STX18: variants seen among roughly 807,000 people sequenced by gnomAD.
STX18 encodes the protein syntaxin-18.
A neutral mutation model predicts 50.1 loss-of-function variants in STX18; 40 were observed. The ratio of observed to expected loss-of-function variants is 0.80; its 90% CI spans 0.62 to 1.04. The LOEUF is 1.04. Ranked by LOEUF, STX18 falls within the 50% of genes least tolerant of loss-of-function variation. The pLI is 0.00. For missense variants in STX18, 410 were observed against 415.8 expected (o/e 0.99, Z 0.12); for synonymous variants, 158 against 151.8 (o/e 1.04, Z -0.30).
chr4:4,459,160 C>T (rs995103772), intron 3 of STX18, among the ~76,000 whole-genome samples: 5 of 151,950 alleles, frequency 3.3e-5, no homozygotes, highest in Admixed American at 3.3e-4. Flanking sequence ...TTTCCATCTC[C>T]CTCCTCTCAT....
chr4:4,495,970 T>C (rs901084861), intron 1 of STX18, among the ~76,000 whole-genome samples: 20 of 152,200 alleles, frequency 1.3e-4, no homozygotes, highest in African/African-American at 4.6e-4. Flanking sequence ...TCTATGATTA[T>C]CGGATAACGC....
intron 2 of STX18, among the ~76,000 whole-genome samples, chr4:4,469,256 T>C (rs1172218843): frequency 6.6e-6 from 1 of 152,100 alleles, no homozygotes; most frequent in Non-Finnish European, 1.5e-5. Flanking sequence ...GTCTGAGAAC[T>C]AAGAATGGTT....
rs765080032 is a variant in STX18 at position 4,423,606 on chromosome 4, T to C, written c.762-19A>G. ...GATTTGCCTTCATAAAAAGAACAGA[T>C]TACATATTAACTATTAGCACTTGGT... is the stretch of plus-strand genomic sequence containing the variant. On this transcript the variant is annotated intron_variant, in intron 8 of 10. Transcript: ENST00000306200. 35 of 1,611,566 alleles carry C rather than the reference T, an allele frequency of 2.2e-5. No individual in the cohort carries two copies. The highest frequency in any genetic ancestry group is 2.4e-5 in the Non-Finnish European group (28 of 1,177,836).
rs1284352690 is a variant in STX18, at chr4:4,420,299, A to G, written c.913-170T>C. 1 of 596,784 alleles carries G rather than the reference A, an allele frequency of 1.7e-6. No homozygotes were observed. Among genetic ancestry groups the G allele is most frequent in the African/African-American group, 1.9e-5 (1 of 53,772 alleles). The allele number at this position is 596,784 out of a possible 1,614,324, so 37.0% of individuals were successfully genotyped here. On this transcript the variant is annotated intron_variant, in intron 10 of 10. Transcript: ENST00000306200. The surrounding 1 kb of genome is among the most constrained non-coding windows in gnomAD (Gnocchi z 4.3). ...GGCTTTTGAGATCCACCAGAAGACAAATGGGTTATATTTCCCTCTGTTTGG... is the reference window on the plus strand; with the variant it reads ...GGCTTTTGAGATCCACCAGAAGACAGATGGGTTATATTTCCCTCTGTTTGG...
At chr4:4,483,682 A>T (rs1341498049) in intron 1 of STX18, among the ~76,000 whole-genome samples, 3 of 152,196 alleles carry the variant, frequency 2.0e-5, no homozygotes, top group Non-Finnish European at 4.4e-5. Context: ...AGGATCTAGA[A>T]GACACCTGCT....
At chr4:4,423,971 G>C (rs1350997562) in intron 8 of STX18, 1 of 243,998 alleles carries the variant, frequency 4.1e-6, no homozygotes, top group Non-Finnish European at 7.8e-6. Flanking sequence ...CATCACCATG[G>C]TAACACATGG....
rs768950918 is a variant in STX18 at position 4,504,831 on chromosome 4, A to G, written c.169-33125T>C. ...GTGTTGGTGAGAATGTGAAATAACT[A>G]GAATTCTCATACATTGTTGGTGGGA... is the stretch of plus-strand genomic sequence containing the variant. On this transcript the variant is annotated intron_variant, in intron 1 of 10. Transcript: ENST00000306200. Among the ~76,000 whole-genome samples, 25 of 152,226 alleles carry G rather than the reference A, an allele frequency of 1.6e-4. 1 individual carries two copies. The highest frequency in any genetic ancestry group is 1.5e-5 in the Non-Finnish European group (1 of 68,038).
At chr4:4,435,727 C>T (rs550170331) in intron 6 of STX18, among the ~76,000 whole-genome samples, 1 of 152,158 alleles carries the variant, frequency 6.6e-6, no homozygotes, top group Admixed American at 6.5e-5. Flanking sequence ...AGGACAGATA[C>T]CTGGGCATGC....
rs533075166 is a variant in STX18, at chr4:4,420,130, C to T, written c.913-1G>A. ...GGAAGCCAGCGTTGTTTTTAATGGC[C>T]TGGGCAGGGACGGGAGCACAGGTGT... On this transcript the variant is annotated splice_acceptor_variant, in intron 10 of 10. Coordinates refer to ENST00000306200, the MANE Select transcript of STX18 (RefSeq NM_016930.4). LOFTEE classifies it high-confidence loss of function. This position sits in a 1 kb window ranked among gnomAD's most constrained non-coding sequence, Gnocchi z 4.3. 6.2e-7 allele frequency: 1 copy of T among 1,609,464 alleles called. No homozygotes were observed. The highest frequency in any genetic ancestry group is 1.1e-5 in the South Asian group (1 of 90,074).
chr4:4,421,961 G>T (rs944119724), intron 9 of STX18, among the ~76,000 whole-genome samples: 1 of 152,190 alleles, frequency 6.6e-6, no homozygotes, highest in Non-Finnish European at 1.5e-5. Context: ...TTACAAGCAG[G>T]AGTGCCTGCT....
chr4:4,428,101 A>G (rs1725343182), intron 7 of STX18, among the ~76,000 whole-genome samples: 1 of 152,260 alleles, frequency 6.6e-6, no homozygotes, highest in African/African-American at 2.4e-5. Flanking sequence ...ACCAGGTTTC[A>G]GTATGGCTTC....
chr4:4,512,954 G>T (rs1730069042), intron 1 of STX18, among the ~76,000 whole-genome samples: 1 of 152,156 alleles, frequency 6.6e-6, no homozygotes, highest in Non-Finnish European at 1.5e-5. Flanking sequence ...TGCTCAGTTT[G>T]TGGGCTGACA....
chr4:4,433,350 CAA>C, intron 7 of STX18, among the ~76,000 whole-genome samples: 1 of 152,174 alleles, frequency 6.6e-6, no homozygotes, highest in South Asian at 2.1e-4. Context: ...TTATACTCAT[CAA>C]AGTCACTCAT....
rs1724834815 is a variant in STX18 at position 4,419,867 on chromosome 4, T to G, written c.*167A>C. On this transcript the variant is annotated 3_prime_UTR_variant, in exon 11 of 11. Coordinates refer to ENST00000306200, the MANE Select transcript of STX18 (RefSeq NM_016930.4). Reference sequence around the variant, plus strand: ...GCTAAATGGCTGAACACCATCGGCCTGGGGTATCCCTTTTTGGGGAATACG... The same window carrying G: ...GCTAAATGGCTGAACACCATCGGCCGGGGGTATCCCTTTTTGGGGAATACG... The G allele has an allele frequency of 1.6e-6, 1 of 625,454 alleles. No individual in the cohort carries two copies. Among genetic ancestry groups the G allele is most frequent in the Non-Finnish European group, 2.8e-6 (1 of 359,432 alleles). The allele number at this position is 625,454 out of a possible 1,614,324, so 38.7% of individuals were successfully genotyped here. A position where few individuals can be genotyped will look rare whatever the true frequency, so the allele number is the denominator to read the frequency against.
chr4:4,458,638 T>C (rs1727205743), intron 3 of STX18, among the ~76,000 whole-genome samples: 1 of 152,206 alleles, frequency 6.6e-6, no homozygotes, highest in African/African-American at 2.4e-5. Flanking sequence ...CATCTCATTG[T>C]CTCAGTGAGA....
chr4:4,511,829 G>A (rs1410007644), intron 1 of STX18, among the ~76,000 whole-genome samples: 1 of 150,330 alleles, frequency 6.7e-6, no homozygotes, highest in Non-Finnish European at 1.5e-5. Flanking sequence ...CAGAAGGAGA[G>A]GAGATTTGAA....
intron 6 of STX18, among the ~76,000 whole-genome samples, chr4:4,437,769 T>C (rs1016256003): frequency 9.8e-5 from 15 of 152,346 alleles, no homozygotes; most frequent in African/African-American, 3.6e-4. Flanking sequence ...TGGCAAACTA[T>C]GCAGGCATCC....
At chr4:4,457,036 T>C (rs1577339552) in intron 5 of STX18, among the ~76,000 whole-genome samples, 155 bp downstream of exon 5, 1 of 152,214 alleles carries the variant, frequency 6.6e-6, no homozygotes, top group Admixed American at 6.5e-5. Flanking sequence ...GCATGCTGCC[T>C]GGCACACAGT....
intron 1 of STX18, among the ~76,000 whole-genome samples, chr4:4,513,485 G>A (rs1297693502): frequency 6.6e-6 from 1 of 152,214 alleles, no homozygotes; most frequent in Non-Finnish European, 1.5e-5. Flanking sequence ...GTCACAGACT[G>A]CTTCGTGGAA....
Sources: allele counts gnomAD v4.1 joint callset (sites outside exome capture counted in the v4.1 genomes callset), GRCh38; gene constraint gnomAD v4.1.1; non-coding constraint Gnocchi (gnomAD v3.1); transcripts MANE v1.5; gene names NCBI Gene and HGNC (gene_info 2026-07-23, HGNC 2026-07-21).